The following PLCH1 variants were observed in gnomAD, a reference collection of about 807,000 sequenced individuals.
PLCH1 encodes 1-phosphatidylinositol 4,5-bisphosphate phosphodiesterase eta-1.
A neutral mutation model predicts 126.7 loss-of-function variants in PLCH1; 60 were observed. The ratio of observed to expected loss-of-function variants is 0.47; its 90% CI spans 0.38 to 0.59. The LOEUF (loss-of-function observed/expected upper bound fraction) is 0.59, where lower values mean the gene tolerates loss of function less well. Ranked by LOEUF, PLCH1 falls within the 20% of genes least tolerant of loss-of-function variation. PLCH1 has a pLI of 0.00. For missense variants in PLCH1, 1,723 were observed against 2,040.0 expected (o/e 0.84, Z 2.99); for synonymous variants, 719 against 734.9 (o/e 0.98, Z 0.35).
downstream of PLCH1, among the ~76,000 whole-genome samples, chr3:155,478,119 T>C (rs1713624725): frequency 6.6e-6 from 1 of 152,112 alleles, no homozygotes; most frequent in Non-Finnish European, 1.5e-5. Context: ...TGGAGATCAT[T>C]AGGTTAAGTG....
intron 2 of PLCH1, among the ~76,000 whole-genome samples, chr3:155,655,005 T>C (rs1470805824): frequency 5.3e-5 from 8 of 152,198 alleles, no homozygotes; most frequent in Non-Finnish European, 1.2e-4. Flanking sequence ...CCTGACCCTG[T>C]CACAGGGCCT....
chr3:155,698,802 T>C lies in PLCH1; in HGVS notation c.79+5344A>G, dbSNP rs540721113. Among the ~76,000 whole-genome samples, 121 of 152,266 alleles carry C rather than the reference T, an allele frequency of 7.9e-4. 1 individual carries two copies. The highest frequency in any genetic ancestry group is 2.8e-3 in the African/African-American group (117 of 41,540). ...ACCTGCAAGATACACCTGAACATCA[T>C]AGGCCTGAAAGGATACCTGCCCTGA... is the stretch of plus-strand genomic sequence containing the variant. On this transcript the variant is annotated intron_variant, in intron 2 of 22. Transcript: ENST00000460012.
At chr3:155,453,892 A>G (rs1179931233) in intron 21 of PLCH1, among the ~76,000 whole-genome samples, 1 of 151,986 alleles carries the variant, frequency 6.6e-6, no homozygotes, top group Non-Finnish European at 1.5e-5. Flanking sequence ...CTCTATCTTT[A>G]TAAGTAGAAA....
intron 10 of PLCH1, among the ~76,000 whole-genome samples, chr3:155,538,684 C>T (rs912759898): frequency 2.0e-5 from 3 of 152,038 alleles, no homozygotes; most frequent in Admixed American, 6.6e-5. Context: ...ATACAATCCT[C>T]GGAGGTTAAA....
intron 2 of PLCH1, chr3:155,658,233 G>T: frequency 4.8e-6 from 1 of 209,656 alleles, no homozygotes; most frequent in South Asian, 9.3e-5. Flanking sequence ...ATCCTCCCTG[G>T]GCACCACACA....
chr3:155,530,767 T>TTC (rs1242062094), intron 10 of PLCH1, among the ~76,000 whole-genome samples: 2 of 152,202 alleles, frequency 1.3e-5, no homozygotes, highest in Non-Finnish European at 2.9e-5. Flanking sequence ...GGTGAATCCT[T>TTC]TCTAGAAGGT....
intron 11 of PLCH1, among the ~76,000 whole-genome samples, chr3:155,515,973 A>T (rs1309574809): frequency 1.3e-5 from 2 of 152,230 alleles, no homozygotes; most frequent in African/African-American, 4.8e-5. Context: ...AAATCCTGTA[A>T]GAGCAAAGCA....
chr3:155,545,237 C>T (rs1209007295), intron 10 of PLCH1, among the ~76,000 whole-genome samples: 41 of 150,020 alleles, frequency 2.7e-4, no homozygotes, highest in Non-Finnish European at 5.7e-4. Context: ...ATACAAACTA[C>T]CATCAGAGAA....
At chr3:155,594,585 A>C (rs1732704023) in intron 3 of PLCH1, among the ~76,000 whole-genome samples, 1 of 152,126 alleles carries the variant, frequency 6.6e-6, no homozygotes, top group African/African-American at 2.4e-5. Flanking sequence ...AAAAAAAATA[A>C]ATAAGTAAGT....
chr3:155,653,077 T>C (rs576798728), intron 2 of PLCH1, among the ~76,000 whole-genome samples: 4 of 152,104 alleles, frequency 2.6e-5, no homozygotes, highest in African/African-American at 9.6e-5. Flanking sequence ...TTTACATACA[T>C]TGCTGGAAGA....
chr3:155,546,383 T>A (rs949021775), intron 10 of PLCH1, among the ~76,000 whole-genome samples: 2 of 151,948 alleles, frequency 1.3e-5, no homozygotes, highest in African/African-American at 4.8e-5. Context: ...TCAAGGAAAT[T>A]AAAGAGGATA....
At chr3:155,729,776 G>A (rs977836094) in intron 1 of PLCH1, among the ~76,000 whole-genome samples, 1 of 151,898 alleles carries the variant, frequency 6.6e-6, no homozygotes, top group Non-Finnish European at 1.5e-5. Context: ...AAATTCAAAT[G>A]TTATCTGGGC....
At chr3:155,537,204 A>AAC (rs1723520301) in intron 10 of PLCH1, among the ~76,000 whole-genome samples, 1 of 5,148 alleles carries the variant, frequency 1.9e-4, no homozygotes, top group African/African-American at 3.6e-4. Flanking sequence ...AAAAAAACCA[A>AAC]AAAAAAAAAA....
At chr3:155,623,051 AAAAC>A (rs1170444928) in intron 2 of PLCH1, among the ~76,000 whole-genome samples, 4 of 152,202 alleles carry the variant, frequency 2.6e-5, no homozygotes, top group East Asian at 1.9e-4. Flanking sequence ...AACAGAAATC[AAAAC>A]AAACAGTCTC....
intron 9 of PLCH1, 126 bp downstream of exon 9, chr3:155,553,950 A>C (rs1726470702): frequency 2.6e-6 from 2 of 754,732 alleles, no homozygotes; most frequent in Non-Finnish European, 4.1e-6. Context: ...AGGAGGGAGA[A>C]AACTAGTCTA....
intron 10 of PLCH1, among the ~76,000 whole-genome samples, chr3:155,530,620 C>T (rs1287380161): frequency 6.6e-6 from 1 of 152,194 alleles, no homozygotes; most frequent in Non-Finnish European, 1.5e-5. Context: ...AACACATCTA[C>T]AGTGACTTTC....
At chr3:155,500,438 T>C (rs949113106) in intron 14 of PLCH1, among the ~76,000 whole-genome samples, 1 of 152,234 alleles carries the variant, frequency 6.6e-6, no homozygotes, top group African/African-American at 2.4e-5. Flanking sequence ...TTAGTTCATG[T>C]GCTCCCTCCC....
At chr3:155,644,480 G>A (rs996194389) in intron 2 of PLCH1, among the ~76,000 whole-genome samples, 28 of 152,170 alleles carry the variant, frequency 1.8e-4, no homozygotes, top group Admixed American at 7.2e-4. Flanking sequence ...GCAGGTGCCT[G>A]TAGTCCCAAC....
rs955198193 is a variant in PLCH1, at chr3:155,676,321, G to A, written c.79+27825C>T. 20 of 1,106,124 alleles carry A rather than the reference G, an allele frequency of 1.8e-5. No individual in the cohort carries two copies. In the South Asian group the frequency reaches 2.2e-4, roughly 12 times the overall value. The allele number at this position is 1,106,124 out of a possible 1,614,324, so 68.5% of individuals were successfully genotyped here. A position where few individuals can be genotyped will look rare whatever the true frequency, so the allele number is the denominator to read the frequency against. On this transcript the variant is annotated intron_variant, in intron 2 of 22. Coordinates refer to ENST00000460012, the MANE Select transcript of PLCH1 (RefSeq NM_014996.4). ...ATAAGCACGCTGGAAGCATCTGCTC[G>A]GGGCTGCCGCTATTGTGGGAATGCA... is the stretch of plus-strand genomic sequence containing the variant.
Sources: allele counts gnomAD v4.1 joint callset (sites outside exome capture counted in the v4.1 genomes callset), GRCh38; gene constraint gnomAD v4.1.1; transcripts MANE v1.5; gene names NCBI Gene and HGNC (gene_info 2026-07-23, HGNC 2026-07-21).